The following CDH13 variants were observed in gnomAD, a reference collection of about 807,000 sequenced individuals.
CDH13 encodes cadherin-13.
In CDH13, 24 loss-of-function variants were observed where a neutral mutation model predicts 63.8. That is an observed-to-expected ratio of 0.38 (90% CI 0.27 to 0.53). The LOEUF is 0.53. Ranked by LOEUF, CDH13 falls within the 20% of genes least tolerant of loss-of-function variation. The probability of loss-of-function intolerance (pLI) is 0.85; values close to 1 mark genes in which losing one functional copy is unlikely to be tolerated. For missense variants in CDH13, 1,049 were observed against 903.1 expected, an observed-to-expected ratio of 1.16 and a Z score of -2.07; for synonymous variants, 503 against 355.3, an observed-to-expected ratio of 1.42 and a Z score of -4.67.
intron 6 of CDH13, among the ~76,000 whole-genome samples, chr16:83,407,801 T>G (rs577159656): frequency 6.6e-6 from 1 of 152,298 alleles, no homozygotes; most frequent in South Asian, 2.1e-4. Flanking sequence ...CATTGCGCAT[T>G]AGAAGTCTTA....
chr16:83,375,185 C>T (rs1276516428), intron 6 of CDH13, among the ~76,000 whole-genome samples: 3 of 152,174 alleles, frequency 2.0e-5, no homozygotes, highest in Non-Finnish European at 2.9e-5. Context: ...ATGAGCTAGG[C>T]AAAGCTGTTT....
intron 1 of CDH13, among the ~76,000 whole-genome samples, chr16:82,816,699 C>T (rs1034377536): frequency 2.1e-5 from 3 of 144,084 alleles, no homozygotes; most frequent in African/African-American, 5.1e-5. Flanking sequence ...ACTTCAAAAA[C>T]GAAGATGTGA....
At chr16:83,649,845 G>C (rs1180921086) in intron 8 of CDH13, among the ~76,000 whole-genome samples, 5 of 152,198 alleles carry the variant, frequency 3.3e-5, no homozygotes, top group African/African-American at 4.8e-5. Flanking sequence ...AGCCACCTGA[G>C]GACCTGATTC....
At position 83,344,331 on chromosome 16, in the gene CDH13, G is replaced by A. The variant is rs541565295; in HGVS notation, c.637-531G>A. Among the ~76,000 whole-genome samples the A allele has an allele frequency of 9.8e-5, 15 of 152,286 alleles. No individual in the cohort carries two copies. In the East Asian group the frequency reaches 1.7e-3, roughly 18 times the overall value. ...ATCCTCCGAAATTGTAAACAGCCTG[G>A]TGGGCAGGAATCCCGAGGTCTCATT... On this transcript the variant is annotated intron_variant, in intron 5 of 13. Coordinates refer to ENST00000567109, the MANE Select transcript of CDH13 (RefSeq NM_001257.5).
intron 2 of CDH13, among the ~76,000 whole-genome samples, chr16:82,973,208 G>A (rs1909019795): frequency 6.6e-6 from 1 of 152,166 alleles, no homozygotes; most frequent in South Asian, 2.1e-4. Flanking sequence ...TTTTCATTCT[G>A]ATGCTCATTT....
intron 8 of CDH13, among the ~76,000 whole-genome samples, chr16:83,652,437 G>A (rs753707160): frequency 1.7e-4 from 26 of 152,258 alleles, no homozygotes; most frequent in Non-Finnish European, 2.8e-4. Context: ...GCCATGCTGG[G>A]GGTGGGATTC....
intron 6 of CDH13, among the ~76,000 whole-genome samples, chr16:83,478,224 C>T (rs71402083): frequency 6.6e-6 from 1 of 151,880 alleles, no homozygotes; most frequent in Non-Finnish European, 1.5e-5. Flanking sequence ...TGCAGTAATT[C>T]CTTTGAGCTA....
At chr16:82,737,415 T>C (rs1372056623) in intron 1 of CDH13, among the ~76,000 whole-genome samples, 3 of 152,220 alleles carry the variant, frequency 2.0e-5, no homozygotes, top group Non-Finnish European at 4.4e-5. Flanking sequence ...CGTTGTGTGA[T>C]ACCACAGCGT....
At chr16:83,174,934 G>T (rs540848008) in intron 4 of CDH13, among the ~76,000 whole-genome samples, 6 of 152,150 alleles carry the variant, frequency 3.9e-5, no homozygotes, top group South Asian at 2.1e-4. Flanking sequence ...ACAGCTTGGG[G>T]GAACTGCCCC....
At chr16:83,058,524 A>G (rs1349495881) in intron 3 of CDH13, among the ~76,000 whole-genome samples, 1 of 152,180 alleles carries the variant, frequency 6.6e-6, no homozygotes, top group Non-Finnish European at 1.5e-5. Flanking sequence ...GCTCTTGTCC[A>G]AATTCCAACC....
chr16:83,554,779 C>T (rs928587948), intron 7 of CDH13, among the ~76,000 whole-genome samples: 7 of 152,140 alleles, frequency 4.6e-5, no homozygotes, highest in Non-Finnish European at 7.4e-5. Context: ...TCTTTGTAGC[C>T]AGCAATAACT....
intron 2 of CDH13, among the ~76,000 whole-genome samples, chr16:82,948,198 A>C (rs1008657027): frequency 3.9e-5 from 6 of 152,182 alleles, no homozygotes; most frequent in African/African-American, 1.4e-4. Context: ...TGGATAAGCC[A>C]ACATTATGTA....
intron 5 of CDH13, among the ~76,000 whole-genome samples, chr16:83,221,014 C>A (rs1260596218): frequency 2.0e-5 from 3 of 152,350 alleles, no homozygotes; most frequent in East Asian, 3.9e-4. Flanking sequence ...CACCATTTCA[C>A]AGATAAGCAA....
chr16:83,501,681 C>T (rs2074287123), intron 7 of CDH13, among the ~76,000 whole-genome samples: 1 of 152,160 alleles, frequency 6.6e-6, no homozygotes. Context: ...CCTGCCTTTC[C>T]TGAGTCACCC....
intron 2 of CDH13, among the ~76,000 whole-genome samples, chr16:82,890,112 C>G (rs537385973): frequency 1.4e-4 from 21 of 152,192 alleles, no homozygotes; most frequent in Non-Finnish European, 2.8e-4. Flanking sequence ...CTTCGTGATT[C>G]TAGAGACACC....
chr16:83,150,943 G>A (rs746396347), intron 4 of CDH13, among the ~76,000 whole-genome samples: 18 of 152,146 alleles, frequency 1.2e-4, no homozygotes, highest in Non-Finnish European at 2.5e-4. Flanking sequence ...TGTCCCTGAA[G>A]ATTATATACC....
At chr16:83,120,976 C>T (rs2035543722) in intron 3 of CDH13, among the ~76,000 whole-genome samples, 1 of 151,970 alleles carries the variant, frequency 6.6e-6, no homozygotes, top group African/African-American at 2.4e-5. Flanking sequence ...GTTGGTCAGC[C>T]TGGTCTCGAA....
At chr16:83,039,871 G>A (rs1170273198) in intron 3 of CDH13, among the ~76,000 whole-genome samples, 1 of 152,020 alleles carries the variant, frequency 6.6e-6, no homozygotes, top group African/African-American at 2.4e-5. Flanking sequence ...CCTACCCTAT[G>A]GTCAGCACCA....
chr16:83,718,883 T>G (rs1327029862), intron 10 of CDH13, among the ~76,000 whole-genome samples: 1 of 152,214 alleles, frequency 6.6e-6, no homozygotes, highest in Non-Finnish European at 1.5e-5. Context: ...GAGGTATAAG[T>G]ACCCCAGTCA....
Sources: gnomAD v4.1 joint callset for allele counts (sites outside exome capture counted in the v4.1 genomes callset) on GRCh38, gnomAD v4.1.1 for gene constraint, MANE v1.5 for transcripts, NCBI Gene and HGNC (gene_info 2026-07-23, HGNC 2026-07-21) for gene names.